Variants in EFCAB3 observed in about 807,000 individuals in gnomAD.
The protein encoded by EFCAB3 is EF-hand calcium binding domain 3, also known as EF-hand calcium-binding domain-containing protein 3.
In EFCAB3, 36 loss-of-function variants were observed where a neutral mutation model predicts 42.2. The ratio of observed to expected loss-of-function variants is 0.85; its 90% CI spans 0.65 to 1.13. The LOEUF is 1.13. EFCAB3 is among the 50% of genes most tolerant of loss of function. The pLI is 0.00. For missense variants in EFCAB3, 418 were observed against 505.1 expected, an observed-to-expected ratio of 0.83 and a Z score of 1.65; for synonymous variants, 170 against 172.8, an observed-to-expected ratio of 0.98 and a Z score of 0.13.
In EFCAB3 at chr17:62,416,181, C is replaced by A; in HGVS notation, c.1169C>A (p.Ser390Tyr). The stretch of plus-strand genomic sequence containing the variant: ...TGGAATGTTTGCCAAGAATTACTTT[C>A]TCCTAAGGACTTAAGGTTATATGAT... ...WSWNVCQELLSPKDLRLYDAY... is the reference protein window; with the variant it reads ...WSWNVCQELLYPKDLRLYDAY... The change falls in exon 10 of 10, where the codon TCT becomes TAT. Residue 390 changes from serine to tyrosine, a missense_variant. Coordinates refer to ENST00000305286, the MANE Select transcript of EFCAB3 (RefSeq NM_173503.4). 1 of 1,613,948 alleles carries A rather than the reference C, an allele frequency of 6.2e-7. No individual in the cohort carries two copies. Among genetic ancestry groups the A allele is most frequent in the Non-Finnish European group, 8.5e-7 (1 of 1,179,854 alleles).
chr17:62,381,687 C>G (rs1160704723), intron 1 of EFCAB3: 1 of 215,004 alleles, frequency 4.7e-6, no homozygotes, highest in African/African-American at 2.3e-5. Flanking sequence ...GGTCACCTCC[C>G]TCCTGCTGGC....
chr17:62,411,269 C>A (rs575326202), intron 8 of EFCAB3, among the ~76,000 whole-genome samples: 1 of 152,070 alleles, frequency 6.6e-6, no homozygotes, highest in Non-Finnish European at 1.5e-5. Context: ...TATAGCAGAT[C>A]TTTAAAAGAC....
chr17:62,411,168 A>G (rs1024173921), intron 8 of EFCAB3, among the ~76,000 whole-genome samples: 1 of 152,202 alleles, frequency 6.6e-6, no homozygotes, highest in South Asian at 2.1e-4. Context: ...TCTCTTTTAA[A>G]GATAGGTTCA....
At position 62,406,420 on chromosome 17, in the gene EFCAB3, T is replaced by G. The variant is rs376135170; in HGVS notation, c.489-60T>G. On this transcript the variant is annotated intron_variant, in intron 6 of 9. Transcript: ENST00000305286. Reference sequence around the variant, plus strand: ...GCATATGTAACTAGCAACTTGACTTTTTAAAATTTTTGTCCTATGTCTCTT... The same window carrying G: ...GCATATGTAACTAGCAACTTGACTTGTTAAAATTTTTGTCCTATGTCTCTT... 4.9e-6 allele frequency: 7 copies of G among 1,436,034 alleles called. No individual in the cohort carries two copies. The African/African-American group carries it at 1.0e-4, about 21-fold the overall frequency. 89.0% of individuals were successfully genotyped at this position (1,436,034 alleles called of 1,614,324 possible).
rs561306595 is a variant in EFCAB3, at chr17:62,393,726, C to T, written c.367+82C>T. The T allele has an allele frequency of 5.6e-6, 7 of 1,245,620 alleles. No individual in the cohort carries two copies. The East Asian group carries it at 7.0e-5, about 12-fold the overall frequency. The allele number at this position is 1,245,620 out of a possible 1,614,324, so 77.2% of individuals were successfully genotyped here. On this transcript the variant is annotated intron_variant, in intron 5 of 9. Transcript: ENST00000305286. ...CAAACATCATTCACAGGCTTCCAGTCGGGAGACAGGTCAGGAAGGTGTAGT... is the reference window on the plus strand; with the variant it reads ...CAAACATCATTCACAGGCTTCCAGTTGGGAGACAGGTCAGGAAGGTGTAGT...
intron 8 of EFCAB3, 93 bp downstream of exon 8, chr17:62,407,305 T>C: frequency 8.6e-7 from 1 of 1,168,014 alleles, no homozygotes; most frequent in Non-Finnish European, 1.1e-6. Flanking sequence ...AACAAATAGT[T>C]TTAGTCATTA....
Position 62,406,574 on chromosome 17 carries a change from T to C in EFCAB3, c.583T>C (p.Cys195Arg), listed in dbSNP as rs138111926. 1 of 1,614,064 alleles carries C rather than the reference T, an allele frequency of 6.2e-7. No individual in the cohort carries two copies. The highest frequency in any genetic ancestry group is 8.5e-7 in the Non-Finnish European group (1 of 1,179,986). ...AAAAAGGACACTTAAGCCAGACATA[T>C]GCACACCTCCAAGCTCAAGCATGGC... The part of the protein sequence containing the change: ...YGKRTLKPDI[C>R]TPPSSSMAAF... Residue 195 changes from cysteine to arginine, a missense_variant, in exon 7 of 10, where the codon TGC becomes CGC. Cys to Arg is a radical substitution (Grantham distance 180). Coordinates refer to ENST00000305286, the MANE Select transcript of EFCAB3 (RefSeq NM_173503.4).
chr17:62,373,075 G>A (rs558921309), intron 1 of EFCAB3, among the ~76,000 whole-genome samples: 3 of 152,066 alleles, frequency 2.0e-5, no homozygotes, highest in Non-Finnish European at 4.4e-5. Flanking sequence ...GAGACCAGGA[G>A]TTCGAGACCA....
intron 4 of EFCAB3, among the ~76,000 whole-genome samples, chr17:62,392,765 G>T (rs967800815): frequency 2.0e-5 from 3 of 152,062 alleles, no homozygotes; most frequent in Non-Finnish European, 4.4e-5. Context: ...AGCCTCTTGA[G>T]TAGCTGGGAC....
At position 62,387,422 on chromosome 17, in the gene EFCAB3, G is replaced by T; in HGVS notation, c.151+6G>T. Reference sequence around the variant, plus strand: ...AAGTGCTTCACAAATGGCAGGTAATGAGAATCATCCTCAAAATTGAAGCAT... The same window carrying T: ...AAGTGCTTCACAAATGGCAGGTAATTAGAATCATCCTCAAAATTGAAGCAT... On this transcript the variant is annotated splice_donor_region_variant and intron_variant, in intron 3 of 9. Coordinates refer to ENST00000305286, the MANE Select transcript of EFCAB3 (RefSeq NM_173503.4). The T allele has an allele frequency of 6.2e-7, 1 of 1,608,834 alleles. No individual in the cohort carries two copies. Among genetic ancestry groups the T allele is most frequent in the South Asian group, 1.1e-5 (1 of 90,834 alleles).
At chr17:62,400,628 T>C (rs894803156) in intron 6 of EFCAB3, among the ~76,000 whole-genome samples, 2 of 152,182 alleles carry the variant, frequency 1.3e-5, no homozygotes, top group Non-Finnish European at 2.9e-5. Flanking sequence ...CAGTCTATCA[T>C]TGATGGACAT....
chr17:62,379,232 AC>A (rs1337533795), upstream of EFCAB3, among the ~76,000 whole-genome samples: 1 of 152,060 alleles, frequency 6.6e-6, no homozygotes, highest in East Asian at 1.9e-4. Flanking sequence ...AGTCTGGGCA[AC>A]ATAGTGAAAC....
intron 4 of EFCAB3, among the ~76,000 whole-genome samples, chr17:62,392,323 T>C (rs972040883): frequency 6.6e-6 from 1 of 151,612 alleles, no homozygotes; most frequent in Middle Eastern, 3.2e-3. Flanking sequence ...TGTATGTATG[T>C]ATGTCCCTTT....
chr17:62,399,478 C>G (rs1016805414), intron 6 of EFCAB3, among the ~76,000 whole-genome samples: 3 of 152,146 alleles, frequency 2.0e-5, no homozygotes, highest in African/African-American at 7.2e-5. Context: ...AAGCCAAAGC[C>G]TTTACAATGA....
intron 2 of EFCAB3, among the ~76,000 whole-genome samples, chr17:62,375,095 T>C (rs765917410): frequency 6.6e-6 from 1 of 152,104 alleles, no homozygotes; most frequent in Non-Finnish European, 1.5e-5. Flanking sequence ...GCCTCGATGA[T>C]AGAGTGAGAC....
chr17:62,373,919 G>A (rs1372612739), intron 2 of EFCAB3: 1 of 936,392 alleles, frequency 1.1e-6, no homozygotes, highest in East Asian at 2.8e-5. Context: ...TGCTATATGT[G>A]TATTTTTATC....
At position 62,392,261 on chromosome 17, in the gene EFCAB3, CAT is replaced by C. The variant is rs566467894; in HGVS notation, c.295+306_295+307del. Among the ~76,000 whole-genome samples the C allele has an allele frequency of 1.9e-3, 283 of 150,350 alleles. 2 individuals are homozygous for C. The highest frequency in any genetic ancestry group is 6.6e-3 in the African/African-American group (272 of 41,026). On this transcript the variant is annotated intron_variant, in intron 4 of 9. Transcript: ENST00000305286. ...TCTATGTATACACCACACACACACACATATATATATAGCCTTAAAGGGACACA... is the reference window on the plus strand; with the variant it reads ...TCTATGTATACACCACACACACACACATATATATAGCCTTAAAGGGACACA...
rs906536579 is a variant in EFCAB3, at chr17:62,395,173, T to C, written c.473T>C (p.Ile158Thr). The C allele has an allele frequency of 2.3e-5, 37 of 1,613,414 alleles. No individual in the cohort carries two copies. The highest frequency in any genetic ancestry group is 3.0e-5 in the Non-Finnish European group (35 of 1,179,872). Residue 158 changes from isoleucine to threonine, a missense_variant, in exon 6 of 10, where the codon ATA becomes ACA. Transcript: ENST00000305286. ...ACTTCAGCCCTACCCAGAAAGTCTATAATAGAAATAGTAAGGTAAGTGAGA... is the reference window on the plus strand; with the variant it reads ...ACTTCAGCCCTACCCAGAAAGTCTACAATAGAAATAGTAAGGTAAGTGAGA... ...LETSALPRKS[I>T]IEIVSYFQRK...
At chr17:62,370,744 G>T (rs2070109037) in intron 1 of EFCAB3, among the ~76,000 whole-genome samples, 1 of 151,986 alleles carries the variant, frequency 6.6e-6, no homozygotes, top group Non-Finnish European at 1.5e-5. Context: ...CTAGAACATA[G>T]CTTCCCAAAC....
Sources: gnomAD v4.1 joint callset for allele counts (sites outside exome capture counted in the v4.1 genomes callset) on GRCh38, gnomAD v4.1.1 for gene constraint, MANE v1.5 for transcripts, NCBI Gene and HGNC (gene_info 2026-07-23, HGNC 2026-07-21) for gene names.